Variants in MTERF2 observed in about 807,000 individuals in gnomAD.
The protein encoded by MTERF2 is mitochondrial transcription termination factor 2.
MTERF2 carries 23 observed loss-of-function variants against 29.2 expected under a neutral mutation model. The ratio of observed to expected loss-of-function variants is 0.79; its 90% CI spans 0.57 to 1.12. MTERF2 has a LOEUF of 1.12. MTERF2 is among the 50% of genes most tolerant of loss of function. MTERF2 has a pLI of 0.00. For missense variants in MTERF2, 440 were observed against 429.4 expected, an observed-to-expected ratio of 1.02 and a Z score of -0.22; for synonymous variants, 157 against 159.5, an observed-to-expected ratio of 0.98 and a Z score of 0.12.
intron 2 of MTERF2, among the ~76,000 whole-genome samples, chr12:106,981,058 C>T (rs1240740128): frequency 1.3e-5 from 2 of 152,162 alleles, no homozygotes; most frequent in East Asian, 3.8e-4. Flanking sequence ...AGGAAGGAGG[C>T]GGCGCAGCAT....
At position 106,978,355 on chromosome 12, in the gene MTERF2, C is replaced by A; in HGVS notation, c.360G>T (p.Gln120His). 1 of 1,614,152 alleles carries A rather than the reference C, an allele frequency of 6.2e-7. No individual in the cohort carries two copies. Among genetic ancestry groups the A allele is most frequent in the South Asian group, 1.1e-5 (1 of 91,056 alleles). ...TAVNTQRKLW[Q>H]LVCKNEEELI... ...ACTCTTCCTCATTTTTGCAGACCAA[C>A]TGCCAGAGTTTTCTCTGGGTGTTAA... The change falls in exon 3 of 3, where the codon CAG becomes CAT. Residue 120 changes from glutamine to histidine, a missense_variant. Gln to His is a conservative substitution (Grantham distance 24). Coordinates refer to ENST00000240050, the MANE Select transcript of MTERF2 (RefSeq NM_001033050.3).
Position 106,982,605 on chromosome 12 carries a change from A to G in MTERF2, c.-58+2510T>C, listed in dbSNP as rs1952065799. On this transcript the variant is annotated intron_variant, in intron 2 of 2. Transcript: ENST00000240050. ...GTGGTATTAAAAATGCTCTGTAAAC[A>G]TTTGAGTGCTTGGTATATGGGATGG... Among the ~76,000 whole-genome samples, 4 of 152,202 alleles carry G rather than the reference A, an allele frequency of 2.6e-5. No homozygotes were observed. The South Asian group carries it at 8.3e-4, about 31-fold the overall frequency.
In MTERF2 at chr12:106,983,813, C is replaced by T. The variant is rs927352415; in HGVS notation, c.-58+1302G>A. On this transcript the variant is annotated intron_variant, in intron 2 of 2. Transcript: ENST00000240050. ...CCTCCATCCTCATCCCCCTACTTTG[C>T]AATTCCCCAAAGGGGCCAAGAGGCT... 3.9e-5 allele frequency among the ~76,000 whole-genome samples: 6 copies of T among 152,202 alleles called. No individual in the cohort carries two copies. In the South Asian group the frequency reaches 1.2e-3, roughly 31 times the overall value.
At chr12:106,978,992 C>T (rs747193342) in intron 2 of MTERF2, among the ~76,000 whole-genome samples, 5 of 151,340 alleles carry the variant, frequency 3.3e-5, no homozygotes, top group Non-Finnish European at 7.4e-5. Context: ...GCACTCCAGA[C>T]GGGGCAACAA....
At chr12:106,978,801 A>G (rs1282909861) in intron 2 of MTERF2, 30 bp from the exon 3 acceptor site, 11 of 1,254,994 alleles carry the variant, frequency 8.8e-6, no homozygotes, top group East Asian at 2.5e-5. Context: ...GGTTTTTAGT[A>G]TAAGGGTGTT....
At chr12:106,986,262 G>A (rs556102831) in intron 1 of MTERF2, 8 of 152,318 alleles carry the variant, frequency 5.3e-5, no homozygotes, top group African/African-American at 1.9e-4. Flanking sequence ...TCACCTCTCT[G>A]AGCCTCAGTT....
chr12:106,984,910 C>T (rs1358611762), intron 2 of MTERF2, among the ~76,000 whole-genome samples: 1 of 152,154 alleles, frequency 6.6e-6, no homozygotes, highest in Non-Finnish European at 1.5e-5. Flanking sequence ...CCATGAGCCA[C>T]CACACCCAGC....
rs150732580 is a variant in MTERF2, at chr12:106,986,292, A to G, written c.-169+677T>C. The G allele has an allele frequency of 7.2e-5, 11 of 152,334 alleles. No homozygotes were observed. In the East Asian group the frequency reaches 2.1e-3, roughly 29 times the overall value. 9.4% of individuals were successfully genotyped at this position (152,334 alleles called of 1,614,324 possible). The stretch of plus-strand genomic sequence containing the variant: ...TCAGTTTGGCATCAGGAAAATGGTG[A>G]TACTATCTCCTGGGTGACTGCAAAG... On this transcript the variant is annotated intron_variant, in intron 1 of 2. Transcript: ENST00000240050.
intron 2 of MTERF2, among the ~76,000 whole-genome samples, chr12:106,983,977 C>T (rs1340214011): frequency 6.6e-6 from 1 of 152,188 alleles, no homozygotes; most frequent in Non-Finnish European, 1.5e-5. Flanking sequence ...CACCTACCTC[C>T]ATACCCACCT....
At chr12:106,979,417 ATTTT>A (rs897990964) in intron 2 of MTERF2, among the ~76,000 whole-genome samples, 2 of 152,156 alleles carry the variant, frequency 1.3e-5, no homozygotes, top group South Asian at 2.1e-4. Flanking sequence ...TAATAAATGG[ATTTT>A]TTTGTTTTTA....
chr12:106,981,999 T>C (rs537543362), intron 2 of MTERF2, among the ~76,000 whole-genome samples: 2 of 152,348 alleles, frequency 1.3e-5, no homozygotes, highest in African/African-American at 4.8e-5. Flanking sequence ...ATGTGTGACC[T>C]GAACACATCA....
intron 1 of MTERF2, chr12:106,986,272 T>C (rs903087118): frequency 2.6e-5 from 4 of 152,168 alleles, no homozygotes; most frequent in African/African-American, 9.7e-5. Flanking sequence ...GAGCCTCAGT[T>C]TGGCATCAGG....
chr12:106,982,152 C>A (rs979240922), intron 2 of MTERF2, among the ~76,000 whole-genome samples: 1 of 152,098 alleles, frequency 6.6e-6, no homozygotes, highest in African/African-American at 2.4e-5. Context: ...TATAATGTAA[C>A]CCCCAACCAA....
chr12:106,983,679 C>T (rs950912418), intron 2 of MTERF2, among the ~76,000 whole-genome samples: 10 of 152,274 alleles, frequency 6.6e-5, no homozygotes, highest in Non-Finnish European at 1.3e-4. Flanking sequence ...TAGATTTTAT[C>T]AATAGTTTAC....
chr12:106,980,858 C>T (rs1952045467), intron 2 of MTERF2: 1 of 152,144 alleles, frequency 6.6e-6, no homozygotes, highest in African/African-American at 2.4e-5. Flanking sequence ...TAGGTAACAC[C>T]CTTTCCATTT....
chr12:106,977,801 C>A lies in MTERF2; in HGVS notation c.914G>T (p.Gly305Val). 6.2e-7 allele frequency: 1 copy of A among 1,613,942 alleles called. No individual in the cohort carries two copies. The highest frequency in any genetic ancestry group is 8.5e-7 in the Non-Finnish European group (1 of 1,179,994). Reference sequence around the variant, plus strand: ...TATGGAAATTCCTTCTCTCAATAATCCTTGCATTCTCTCTTCTAAAACTGG... The same window carrying A: ...TATGGAAATTCCTTCTCTCAATAATACTTGCATTCTCTCTTCTAAAACTGG... ...SVPVLEERMQ[G>V]LLREGISIAQ... Residue 305 changes from glycine to valine, a missense_variant, in exon 3 of 3, where the codon GGA becomes GTA. Physicochemically the swap from Gly to Val is moderately radical, Grantham distance 109. Coordinates refer to ENST00000240050, the MANE Select transcript of MTERF2 (RefSeq NM_001033050.3).
Position 106,977,530 on chromosome 12 carries a change from T to C in MTERF2, c.*27A>G. On this transcript the variant is annotated 3_prime_UTR_variant, in exon 3 of 3. Coordinates refer to ENST00000240050, the MANE Select transcript of MTERF2 (RefSeq NM_001033050.3). ...GCTAGTTAGTTTCACCCTGCACTGC[T>C]AGAAAGAAGCAACAACAGTCAGTAT... is the stretch of plus-strand genomic sequence containing the variant. 6.3e-7 allele frequency: 1 copy of C among 1,576,764 alleles called. No individual in the cohort carries two copies. Among genetic ancestry groups the C allele is most frequent in the Non-Finnish European group, 8.6e-7 (1 of 1,164,512 alleles).
rs779551435 is a variant in MTERF2 at position 106,977,555 on chromosome 12, T to C, written c.*2A>G. ...TAGAAAGAAGCAACAACAGTCAGTATGTCATTCTTCAACATTTAATGGTGC... is the reference window on the plus strand; with the variant it reads ...TAGAAAGAAGCAACAACAGTCAGTACGTCATTCTTCAACATTTAATGGTGC... On this transcript the variant is annotated 3_prime_UTR_variant, in exon 3 of 3. Transcript: ENST00000240050. The C allele has an allele frequency of 3.4e-5, 55 of 1,601,706 alleles. No homozygotes were observed. The South Asian group carries it at 5.4e-4, about 16-fold the overall frequency.
Position 106,977,501 on chromosome 12 carries a change from C to A in MTERF2, c.*56G>T. The A allele has an allele frequency of 2.0e-6, 3 of 1,511,008 alleles. No individual in the cohort carries two copies. The highest frequency in any genetic ancestry group is 1.8e-6 in the Non-Finnish European group (2 of 1,129,004). 93.6% of individuals were successfully genotyped at this position (1,511,008 alleles called of 1,614,324 possible). On this transcript the variant is annotated 3_prime_UTR_variant, in exon 3 of 3. Coordinates refer to ENST00000240050, the MANE Select transcript of MTERF2 (RefSeq NM_001033050.3). ...GTCTACAAACTGCCTGAATTTTTGT[C>A]TTTGCTAGTTAGTTTCACCCTGCAC...
Sources: allele counts gnomAD v4.1 joint callset (sites outside exome capture counted in the v4.1 genomes callset), GRCh38; gene constraint gnomAD v4.1.1; transcripts MANE v1.5; gene names NCBI Gene and HGNC (gene_info 2026-07-23, HGNC 2026-07-21).